Variants in SRPK2 observed in about 807,000 individuals in gnomAD.
SRPK2 encodes the protein SFRS protein kinase 2.
SRPK2 carries 21 observed loss-of-function variants against 90.8 expected under a neutral mutation model. That is an observed-to-expected ratio of 0.23 (90% CI 0.16 to 0.33). The LOEUF (loss-of-function observed/expected upper bound fraction) is 0.33. Ranked by LOEUF, SRPK2 falls within the 10% of genes least tolerant of loss-of-function variation. SRPK2 has a pLI of 1.00. For synonymous variants in SRPK2, 288 were observed against 311.1 expected (o/e 0.93, Z 0.78); for missense variants, 620 against 869.0 (o/e 0.71, Z 3.60).
intron 3 of SRPK2, among the ~76,000 whole-genome samples, chr7:105,187,194 T>A (rs944942167): frequency 6.6e-6 from 1 of 152,200 alleles, no homozygotes; most frequent in Non-Finnish European, 1.5e-5. Flanking sequence ...ATGCAAAACC[T>A]CCTCCTCGGT....
intron 2 of SRPK2, among the ~76,000 whole-genome samples, chr7:105,275,639 G>C (rs1806386084): frequency 1.3e-5 from 2 of 152,086 alleles, no homozygotes; most frequent in Admixed American, 1.3e-4. Flanking sequence ...ACTAACTAAG[G>C]GCTATCAGTA....
At chr7:105,202,012 T>A (rs183132842) in intron 3 of SRPK2, among the ~76,000 whole-genome samples, 1 of 152,314 alleles carries the variant, frequency 6.6e-6, no homozygotes, top group East Asian at 1.9e-4. Flanking sequence ...CACCTTCTTG[T>A]CACCTTTCAA....
chr7:105,332,241 G>C (rs1049887681), intron 2 of SRPK2, among the ~76,000 whole-genome samples: 2 of 152,144 alleles, frequency 1.3e-5, no homozygotes, highest in African/African-American at 4.8e-5. Flanking sequence ...AAAAGCTGAA[G>C]GGGATGAAGC....
intron 2 of SRPK2, among the ~76,000 whole-genome samples, chr7:105,331,324 A>AAAAAAAAAC (rs1814337211): frequency 7.6e-6 from 1 of 131,436 alleles, no homozygotes; most frequent in African/African-American, 2.7e-5. Context: ...AAAAAAAAAA[A>AAAAAAAAAC]AAAAAAAAAA....
At chr7:105,354,889 G>A (rs892498851) in intron 2 of SRPK2, among the ~76,000 whole-genome samples, 1 of 151,840 alleles carries the variant, frequency 6.6e-6, no homozygotes, top group African/African-American at 2.4e-5. Context: ...CAACAGGCAC[G>A]CCCCATATTT....
chr7:105,170,989 AAGAAAG>A lies in SRPK2; in HGVS notation c.230-1730_230-1725del, dbSNP rs1791030822. ...AAAGAGAAAGAAAGAGAAAGAAAGA[AAGAAAG>A]AGAAAGAAAGAAAGAAAGAGAGGAA... On this transcript the variant is annotated intron_variant, in intron 3 of 15. Transcript: ENST00000393651. 3.6e-5 allele frequency among the ~76,000 whole-genome samples: 5 copies of A among 137,370 alleles called. No homozygotes were observed. In the East Asian group the frequency reaches 6.3e-4, roughly 17 times the overall value. The allele number at this position is 137,370 out of a possible 152,430, so 90.1% of individuals were successfully genotyped here.
At chr7:105,203,307 G>A (rs1795791503) in intron 3 of SRPK2, among the ~76,000 whole-genome samples, 2 of 152,052 alleles carry the variant, frequency 1.3e-5, no homozygotes, top group Admixed American at 1.3e-4. Context: ...CTTTTAGATG[G>A]TTTATTATGT....
At chr7:105,149,296 T>C (rs1490873238) in intron 7 of SRPK2, among the ~76,000 whole-genome samples, 2 of 152,196 alleles carry the variant, frequency 1.3e-5, no homozygotes, top group Non-Finnish European at 2.9e-5. Context: ...TATTCTTTAC[T>C]CCACTAAGAT....
In SRPK2 at chr7:105,205,543, A is replaced by T. The variant is rs1308422436; in HGVS notation, c.72-1758T>A. 1.4e-3 allele frequency among the ~76,000 whole-genome samples: 189 copies of T among 137,582 alleles called. 2 individuals are homozygous for T. The highest frequency in any genetic ancestry group is 6.0e-3 in the African/African-American group (174 of 29,142). 90.3% of individuals were successfully genotyped at this position (137,582 alleles called of 152,430 possible). ...CACACACACACACACACACACACAC[A>T]CACACACACACACACACACACACAC... On this transcript the variant is annotated intron_variant, in intron 2 of 15. Transcript: ENST00000393651.
chr7:105,246,232 C>T (rs1036279218), intron 2 of SRPK2, among the ~76,000 whole-genome samples: 2 of 152,038 alleles, frequency 1.3e-5, no homozygotes, highest in African/African-American at 4.8e-5. Context: ...TTTCTGTCAC[C>T]GACCCCAGAG....
intron 2 of SRPK2, among the ~76,000 whole-genome samples, chr7:105,296,453 T>C (rs1809826313): frequency 6.6e-6 from 1 of 152,160 alleles, no homozygotes; most frequent in African/African-American, 2.4e-5. Flanking sequence ...ATGTAACAAA[T>C]TATTTCCAGT....
intron 2 of SRPK2, among the ~76,000 whole-genome samples, chr7:105,239,364 A>C (rs926030140): frequency 3.9e-5 from 6 of 152,240 alleles, no homozygotes; most frequent in Non-Finnish European, 5.9e-5. Flanking sequence ...CTATTAAGTC[A>C]GAAAAAAATG....
At chr7:105,200,886 T>C (rs1373100725) in intron 3 of SRPK2, among the ~76,000 whole-genome samples, 1 of 152,208 alleles carries the variant, frequency 6.6e-6, no homozygotes, top group Non-Finnish European at 1.5e-5. Context: ...TTACACATAA[T>C]GGACAACACT....
chr7:105,291,061 A>AAG (rs1563200025), intron 2 of SRPK2, among the ~76,000 whole-genome samples: 2 of 151,252 alleles, frequency 1.3e-5, no homozygotes, highest in African/African-American at 4.8e-5. Flanking sequence ...AAAAAAAAAA[A>AAG]AAAAGAAATG....
At chr7:105,131,459 T>C (rs1801991664) in intron 13 of SRPK2, among the ~76,000 whole-genome samples, 1 of 152,222 alleles carries the variant, frequency 6.6e-6, no homozygotes, top group Admixed American at 6.5e-5. Flanking sequence ...TGGTTTTTGA[T>C]ATGGAAGAAC....
At chr7:105,229,138 A>C (rs888176142) in intron 2 of SRPK2, among the ~76,000 whole-genome samples, 3 of 152,048 alleles carry the variant, frequency 2.0e-5, no homozygotes, top group Admixed American at 6.6e-5. Flanking sequence ...AAAACCACCC[A>C]AAATTTTGAA....
chr7:105,355,475 T>G (rs1369280132), intron 2 of SRPK2, among the ~76,000 whole-genome samples: 1 of 151,710 alleles, frequency 6.6e-6, no homozygotes, highest in Non-Finnish European at 1.5e-5. Flanking sequence ...CAAGACCACA[T>G]CTCAACTGAA....
chr7:105,220,531 G>GA (rs1287026572), intron 2 of SRPK2, among the ~76,000 whole-genome samples: 2 of 150,886 alleles, frequency 1.3e-5, no homozygotes, highest in Non-Finnish European at 3.0e-5. Flanking sequence ...TCTCAAAAAA[G>GA]AAAAAAAGAG....
chr7:105,227,563 T>TA (rs915464652), intron 2 of SRPK2, among the ~76,000 whole-genome samples: 7 of 151,816 alleles, frequency 4.6e-5, no homozygotes, highest in Middle Eastern at 3.2e-3. Context: ...TAACTACAAG[T>TA]AAAAGGATGC....
Sources: gnomAD v4.1 joint callset for allele counts (sites outside exome capture counted in the v4.1 genomes callset) on GRCh38, gnomAD v4.1.1 for gene constraint, MANE v1.5 for transcripts, NCBI Gene and HGNC (gene_info 2026-07-23, HGNC 2026-07-21) for gene names.